Variants in SLC4A1AP observed in about 807,000 individuals in gnomAD.
The protein encoded by SLC4A1AP is solute carrier family 4 member 1 adaptor protein.
In SLC4A1AP, 64 loss-of-function variants were observed where a neutral mutation model predicts 89.7. The ratio of observed to expected loss-of-function variants is 0.71; its 90% CI spans 0.58 to 0.88. The LOEUF (loss-of-function observed/expected upper bound fraction) is 0.88. Among genes scored for constraint, SLC4A1AP ranks in the 40% least tolerant of loss-of-function variants. The pLI is 0.00. For synonymous variants in SLC4A1AP, 366 were observed against 353.3 expected (o/e 1.04, Z -0.40); for missense variants, 931 against 965.0 (o/e 0.96, Z 0.47).
chr2:27,684,096 C>G (rs1675664816), intron 9 of SLC4A1AP, among the ~76,000 whole-genome samples: 1 of 151,934 alleles, frequency 6.6e-6, no homozygotes, highest in Non-Finnish European at 1.5e-5. Flanking sequence ...ACTAAACAGC[C>G]CTCCTTAGAG....
chr2:27,693,698 T>C (rs1191642296), exon 13 of SLC4A1AP: 2 of 1,608,532 alleles, frequency 1.2e-6, no homozygotes, highest in South Asian at 1.1e-5. Flanking sequence ...CCACCAACAC[T>C]TTCTTCCAAA....
intron 5 of SLC4A1AP, among the ~76,000 whole-genome samples, chr2:27,673,429 TCCCTCCCTCCCTCC>T (rs1558506686): frequency 2.0e-5 from 1 of 51,106 alleles, no homozygotes; most frequent in African/African-American, 7.6e-5. Flanking sequence ...CCTCCCTCCC[TCCCTCCCTCCCTCC>T]CTTCCTTCCT....
At chr2:27,682,521 ATTCTTTT>A (rs1675636087) in intron 9 of SLC4A1AP, among the ~76,000 whole-genome samples, 162 bp downstream of exon 9, 4 of 139,080 alleles carry the variant, frequency 2.9e-5, no homozygotes. Context: ...TGGTTCTTGG[ATTCTTTT>A]TTTTTTTTTT....
At chr2:27,682,259 A>G in exon 9 of SLC4A1AP, 1 of 1,610,922 alleles carries the variant, frequency 6.2e-7, no homozygotes, top group Non-Finnish European at 8.5e-7. Context: ...ACTGAAACTC[A>G]GACTACAGGT....
At chr2:27,677,510 T>G in intron 7 of SLC4A1AP, 146 bp downstream of exon 7, 1 of 684,268 alleles carries the variant, frequency 1.5e-6, no homozygotes, top group Non-Finnish European at 2.5e-6. Flanking sequence ...AGAAAGAACA[T>G]TATAAATCAT....
In SLC4A1AP at chr2:27,688,689, T is replaced by C. The variant is rs745821268; in HGVS notation, c.2204-11T>C. 10 of 1,584,420 alleles carry C rather than the reference T, an allele frequency of 6.3e-6. No homozygotes were observed. The highest frequency in any genetic ancestry group is 2.2e-5 in the East Asian group (1 of 44,506). On this transcript the variant is annotated splice_polypyrimidine_tract_variant and intron_variant, in intron 11 of 13. Coordinates refer to ENST00000613058, the Ensembl canonical transcript of SLC4A1AP. ...AAAATAGCTATTGCCAGTTTTTTTT[T>C]CTTAAATTAGCATCAAAGAATGAAT... is the stretch of plus-strand genomic sequence containing the variant.
chr2:27,667,186 C>G, intron 2 of SLC4A1AP, 82 bp from the exon 3 acceptor site: 1 of 1,439,400 alleles, frequency 6.9e-7, no homozygotes. Flanking sequence ...TATCTTTATG[C>G]AGCCTGAGAG....
intron 5 of SLC4A1AP, 44 bp from the exon 6 acceptor site, chr2:27,675,488 T>C: frequency 7.1e-7 from 1 of 1,413,570 alleles, no homozygotes; most frequent in Non-Finnish European, 9.6e-7. Flanking sequence ...CTTTTTCTTT[T>C]CTTTTTTAAA....
chr2:27,683,865 A>C (rs1053315335), intron 9 of SLC4A1AP, among the ~76,000 whole-genome samples: 1 of 152,032 alleles, frequency 6.6e-6, no homozygotes, highest in South Asian at 2.1e-4. Context: ...CTTCCCGAGT[A>C]GCTGGGATTA....
At chr2:27,684,497 A>G (rs1432678769) in intron 9 of SLC4A1AP, among the ~76,000 whole-genome samples, 3 of 151,832 alleles carry the variant, frequency 2.0e-5, no homozygotes, top group Admixed American at 6.6e-5. Flanking sequence ...AACTGTGATC[A>G]ACCTTTTCTA....
intron 2 of SLC4A1AP, among the ~76,000 whole-genome samples, chr2:27,665,523 ACT>A (rs1426481670): frequency 6.6e-6 from 1 of 152,062 alleles, no homozygotes; most frequent in African/African-American, 2.4e-5. Flanking sequence ...TTTTTAATGC[ACT>A]CTCTTGTTCA....
In SLC4A1AP at chr2:27,665,302, A is replaced by C; in HGVS notation, c.1021+7A>C. 6.3e-7 allele frequency: 1 copy of C among 1,581,766 alleles called. No individual in the cohort carries two copies. On this transcript the variant is annotated splice_region_variant and intron_variant, in intron 2 of 13. Transcript: ENST00000613058. ...GGTTGCACCTGGGGAATGGGTAAGA[A>C]ATTAAAATTGCTGCCGGAGGTTAAT...
intron 2 of SLC4A1AP, among the ~76,000 whole-genome samples, chr2:27,666,832 T>G (rs1675335383): frequency 6.7e-6 from 1 of 150,174 alleles, no homozygotes; most frequent in South Asian, 2.1e-4. Flanking sequence ...TGCAAGTATT[T>G]ATTATTTTTC....
intron 9 of SLC4A1AP, among the ~76,000 whole-genome samples, chr2:27,684,340 A>G (rs1294162525): frequency 6.6e-6 from 1 of 151,582 alleles, no homozygotes; most frequent in Non-Finnish European, 1.5e-5. Flanking sequence ...AGGCAGGAGA[A>G]TCGCTTGAAC....
At position 27,688,769 on chromosome 2, in the gene SLC4A1AP, T is replaced by G. The variant is rs1675745767; in HGVS notation, c.2271+2T>G. On this transcript the variant is annotated splice_donor_variant, in intron 12 of 13. Transcript: ENST00000613058. LOFTEE classifies it high-confidence loss of function. ...AAGAAAACACCTGGTCCAGGCAAAGTAAGTATTTCACTTGTCTGGGAGTAA... is the reference window on the plus strand; with the variant it reads ...AAGAAAACACCTGGTCCAGGCAAAGGAAGTATTTCACTTGTCTGGGAGTAA... 2 of 1,597,800 alleles carry G rather than the reference T, an allele frequency of 1.3e-6. No homozygotes were observed. The highest frequency in any genetic ancestry group is 1.7e-6 in the Non-Finnish European group (2 of 1,173,804).
At chr2:27,668,305 C>A (rs796412683) in intron 3 of SLC4A1AP, among the ~76,000 whole-genome samples, 1 of 152,072 alleles carries the variant, frequency 6.6e-6, no homozygotes, top group Non-Finnish European at 1.5e-5. Context: ...CCCGCCACCA[C>A]GCCCGGCTAA....
At chr2:27,665,274 A>C in exon 2 of SLC4A1AP, 1 of 1,611,146 alleles carries the variant, frequency 6.2e-7, no homozygotes, top group Non-Finnish European at 8.5e-7. Flanking sequence ...AGATGATGAG[A>C]TGGGTTGCAC....
chr2:27,674,860 C>T (rs964947047), intron 5 of SLC4A1AP, among the ~76,000 whole-genome samples: 1 of 151,760 alleles, frequency 6.6e-6, no homozygotes, highest in Non-Finnish European at 1.5e-5. Flanking sequence ...TACAGGCACC[C>T]GCCACTATGC....
chr2:27,683,754 T>C (rs900388880), intron 9 of SLC4A1AP, among the ~76,000 whole-genome samples: 1 of 152,092 alleles, frequency 6.6e-6, no homozygotes, highest in Non-Finnish European at 1.5e-5. Flanking sequence ...GTTTGTTTCA[T>C]TGAGAGACAG....
Sources: allele counts gnomAD v4.1 joint callset (sites outside exome capture counted in the v4.1 genomes callset), GRCh38; gene constraint gnomAD v4.1.1; transcripts MANE v1.5; gene names NCBI Gene and HGNC (gene_info 2026-07-23, HGNC 2026-07-21).